The following DGKH variants were observed in gnomAD, a reference collection of about 807,000 sequenced individuals.
DGKH encodes diacylglycerol kinase eta.
DGKH carries 90 observed loss-of-function variants against 159.3 expected under a neutral mutation model. The ratio of observed to expected loss-of-function variants is 0.57; its 90% confidence interval spans 0.48 to 0.67. The LOEUF (loss-of-function observed/expected upper bound fraction) is 0.67, where lower values mean the gene tolerates loss of function less well. DGKH is among the 30% of genes least tolerant of loss of function. The probability of loss-of-function intolerance (pLI) is 0.00; values close to 1 mark genes in which losing one functional copy is unlikely to be tolerated. For missense variants in DGKH, 1,181 were observed against 1,506.1 expected, an observed-to-expected ratio of 0.78 and a Z score of 3.57; for synonymous variants, 536 against 553.8, an observed-to-expected ratio of 0.97 and a Z score of 0.45.
At chr13:42,113,344 A>T (rs911861042) in intron 1 of DGKH, among the ~76,000 whole-genome samples, 17 of 152,340 alleles carry the variant, frequency 1.1e-4, no homozygotes, top group Non-Finnish European at 1.9e-4. Flanking sequence ...AAGAGATTTT[A>T]GTATGTGTAG....
rs997732741 is a variant in DGKH at position 42,077,690 on chromosome 13, G to T, written c.192+28725G>T. 3.9e-5 allele frequency among the ~76,000 whole-genome samples: 6 copies of T among 152,170 alleles called. 1 individual carries two copies. The stretch of plus-strand genomic sequence containing the variant: ...GCCTATTTAGAAACATCTTAGACTG[G>T]TTTGTCTTTGGTTGAAGGCATTCAT... On this transcript the variant is annotated intron_variant, in intron 1 of 29. Coordinates refer to ENST00000337343, the MANE Select transcript of DGKH (RefSeq NM_178009.5).
chr13:42,049,496 G>C (rs560224754), intron 1 of DGKH, among the ~76,000 whole-genome samples: 172 of 152,366 alleles, frequency 1.1e-3, no homozygotes, highest in African/African-American at 3.6e-3. Context: ...TCAGAGGGTG[G>C]GTGGAAGGTG....
chr13:42,256,146 T>C (rs1958655765), intron 30 of DGKH: 18 of 1,179,220 alleles, frequency 1.5e-5, no homozygotes, highest in Non-Finnish European at 2.3e-5. Context: ...GCAATGACCA[T>C]GGTTGTAGCC....
intron 1 of DGKH, chr13:42,070,457 A>G (rs758335409): frequency 7.0e-5 from 90 of 1,294,060 alleles, no homozygotes; most frequent in Non-Finnish European, 8.7e-5. Context: ...CCACATGTCA[A>G]TGGCTTTAGT....
intron 1 of DGKH, among the ~76,000 whole-genome samples, chr13:42,124,143 C>G (rs998947756): frequency 3.3e-5 from 5 of 151,980 alleles, no homozygotes; most frequent in African/African-American, 1.2e-4. Context: ...GGTAAATTCT[C>G]AAGATATATG....
chr13:42,183,123 T>C (rs1195767154), intron 13 of DGKH, among the ~76,000 whole-genome samples: 1 of 152,098 alleles, frequency 6.6e-6, no homozygotes, highest in Admixed American at 6.5e-5. Flanking sequence ...ATCCCATCTC[T>C]ACAAAAAGTT....
upstream of DGKH, among the ~76,000 whole-genome samples, chr13:42,044,719 A>C (rs1280497145): frequency 6.6e-6 from 1 of 152,216 alleles, no homozygotes; most frequent in Non-Finnish European, 1.5e-5. Flanking sequence ...TGGGGAAGTC[A>C]TTGGGCCTAA....
intron 1 of DGKH, among the ~76,000 whole-genome samples, chr13:42,060,466 G>A (rs1566080239): frequency 1.3e-5 from 2 of 152,098 alleles, no homozygotes; most frequent in South Asian, 2.1e-4. Flanking sequence ...CTCAGTCTCC[G>A]TATTCTCAAA....
rs1319632252 is a variant in DGKH at position 42,238,923 on chromosome 13, A to G, written c.*9735A>G. On this transcript the variant is annotated 3_prime_UTR_variant, in exon 30 of 30. Coordinates refer to ENST00000337343, the MANE Select transcript of DGKH (RefSeq NM_178009.5). The stretch of plus-strand genomic sequence containing the variant: ...CTGATATTTATTATAGTATAATATG[A>G]TAATTTGGAGCTCCTGTTGCATCTC... The G allele has an allele frequency of 6.6e-6, 1 of 152,142 alleles. No individual in the cohort carries two copies. 9.4% of individuals were successfully genotyped at this position (152,142 alleles called of 1,614,324 possible).
At chr13:42,201,715 C>A (rs976558737) in intron 20 of DGKH, among the ~76,000 whole-genome samples, 3 of 152,090 alleles carry the variant, frequency 2.0e-5, no homozygotes, top group Non-Finnish European at 4.4e-5. Context: ...TACAGACTTA[C>A]AAAAGAAGAC....
chr13:42,135,507 A>AAAAAGAAAAAAAAAG (rs71096557), intron 3 of DGKH, among the ~76,000 whole-genome samples: 100 of 113,442 alleles, frequency 8.8e-4, no homozygotes, highest in African/African-American at 2.8e-3. Flanking sequence ...AAAAAAAAAA[A>AAAAAGAAAAAAAAAG]AGAGAGAGAG....
At position 42,181,844 on chromosome 13, in the gene DGKH, CAG is replaced by C. The variant is rs1352266651; in HGVS notation, c.1538+3625_1538+3626del. The stretch of plus-strand genomic sequence containing the variant: ...CTGGCAGCTGAGCTGCTGGTGCTGG[CAG>C]CTGAGCTGCTGGTGCTGGCAGCTGA... On this transcript the variant is annotated intron_variant, in intron 13 of 29. Transcript: ENST00000337343. 45 of 154,094 alleles carry C rather than the reference CAG, an allele frequency of 2.9e-4. 1 individual carries two copies. The highest frequency in any genetic ancestry group is 1.1e-3 in the South Asian group (16 of 14,236). 9.5% of individuals were successfully genotyped at this position (154,094 alleles called of 1,614,324 possible). A position where few individuals can be genotyped will look rare whatever the true frequency, so the allele number is the denominator to read the frequency against.
intron 17 of DGKH, among the ~76,000 whole-genome samples, chr13:42,197,887 T>C (rs1281389580): frequency 6.6e-6 from 1 of 152,204 alleles, no homozygotes; most frequent in Non-Finnish European, 1.5e-5. Context: ...GTTAGAAAAC[T>C]AGTTGGAAAG....
rs1958447310 is a variant in DGKH, at chr13:42,237,769, A to G, written c.*8581A>G. The stretch of plus-strand genomic sequence containing the variant: ...GTGGGGCAAATATCTGTGCTTTCTC[A>G]TCTCAGTGATTGATGTCTGGAGAAC... On this transcript the variant is annotated 3_prime_UTR_variant, in exon 30 of 30. Transcript: ENST00000337343. 6.6e-6 allele frequency: 1 copy of G among 152,234 alleles called. No individual in the cohort carries two copies. Among genetic ancestry groups the G allele is most frequent in the Non-Finnish European group, 1.5e-5 (1 of 68,046 alleles). The allele number at this position is 152,234 out of a possible 1,614,324, so 9.4% of individuals were successfully genotyped here.
At chr13:42,062,002 T>TGTGTGTGTGC (rs1466229602) in intron 1 of DGKH, among the ~76,000 whole-genome samples, 15 of 151,866 alleles carry the variant, frequency 9.9e-5, no homozygotes, top group African/African-American at 3.4e-4. Flanking sequence ...TGTGTGTGTG[T>TGTGTGTGTGC]GTGTGTGTAA....
intron 3 of DGKH, among the ~76,000 whole-genome samples, chr13:42,144,869 C>T (rs1385370245): frequency 6.6e-6 from 1 of 152,070 alleles, no homozygotes. Flanking sequence ...AAAAGCCCAC[C>T]CTTTTAAATA....
intron 30 of DGKH, among the ~76,000 whole-genome samples, chr13:42,255,417 T>C (rs1958650714): frequency 6.6e-6 from 1 of 152,164 alleles, no homozygotes; most frequent in Non-Finnish European, 1.5e-5. Context: ...GTGCTATCTC[T>C]GAGAAGGCAA....
In DGKH at chr13:42,235,714, C is replaced by T. The variant is rs750424071; in HGVS notation, c.*6526C>T. 1.3e-5 allele frequency: 2 copies of T among 151,976 alleles called. No homozygotes were observed. The highest frequency in any genetic ancestry group is 2.4e-5 in the African/African-American group (1 of 41,392). The allele number at this position is 151,976 out of a possible 1,614,324, so 9.4% of individuals were successfully genotyped here. ...AAAGGTTTTGGTATTGTAACATTCC[C>T]AGTTTTGTGAGTTATATATTGTATA... is the stretch of plus-strand genomic sequence containing the variant. On this transcript the variant is annotated 3_prime_UTR_variant, in exon 30 of 30. Coordinates refer to ENST00000337343, the MANE Select transcript of DGKH (RefSeq NM_178009.5).
intron 2 of DGKH, among the ~76,000 whole-genome samples, chr13:42,128,438 A>C (rs1955216091): frequency 6.6e-6 from 1 of 152,184 alleles, no homozygotes; most frequent in African/African-American, 2.4e-5. Context: ...CTTATTTTAC[A>C]AGTCATTATG....
Sources: gnomAD v4.1 joint callset for allele counts (sites outside exome capture counted in the v4.1 genomes callset) on GRCh38, gnomAD v4.1.1 for gene constraint, MANE v1.5 for transcripts, NCBI Gene and HGNC (gene_info 2026-07-23, HGNC 2026-07-21) for gene names.